The following TENM4 variants were observed in gnomAD, a reference collection of about 807,000 sequenced individuals.
The protein encoded by TENM4 is teneurin-4.
In TENM4, 82 loss-of-function variants were observed where a neutral mutation model predicts 243.3. The observed-to-expected ratio is 0.34, with a 90% CI of 0.28 to 0.40. The LOEUF is 0.40. Among genes scored for constraint, TENM4 ranks in the 10% least tolerant of loss-of-function variants. The pLI is 1.00. For synonymous variants in TENM4, 1,412 were observed against 1,456.3 expected, an observed-to-expected ratio of 0.97 and a Z score of 0.69; for missense variants, 3,138 against 3,673.3, an observed-to-expected ratio of 0.85 and a Z score of 3.77.
chr11:78,662,818 T>G (rs180729632), intron 32 of TENM4, among the ~76,000 whole-genome samples: 1 of 152,210 alleles, frequency 6.6e-6, no homozygotes, highest in African/African-American at 2.4e-5. Context: ...AGGAAAAAGA[T>G]TAGAGGAAGG....
At chr11:78,797,573 A>G (rs1437641553) in intron 15 of TENM4, among the ~76,000 whole-genome samples, 1 of 152,146 alleles carries the variant, frequency 6.6e-6, no homozygotes, top group East Asian at 1.9e-4. Context: ...TGGTTTATCA[A>G]CCTTTAACTC....
At chr11:78,730,153 T>A (rs1448811237) in intron 21 of TENM4, among the ~76,000 whole-genome samples, 1 of 152,084 alleles carries the variant, frequency 6.6e-6, no homozygotes, top group Non-Finnish European at 1.5e-5. Context: ...CTGAGAAAGG[T>A]CACATAGGTA....
chr11:79,259,484 T>C (rs1195438770), intron 2 of TENM4, among the ~76,000 whole-genome samples: 1 of 151,648 alleles, frequency 6.6e-6, no homozygotes, highest in Non-Finnish European at 1.5e-5. Flanking sequence ...CATCTGTCCA[T>C]CCATCCATCT....
chr11:78,825,408 C>T (rs1857828810), intron 12 of TENM4, among the ~76,000 whole-genome samples: 1 of 152,212 alleles, frequency 6.6e-6, no homozygotes, highest in Non-Finnish European at 1.5e-5. Context: ...TCCTTGTCAG[C>T]CATCTGAAAG....
chr11:79,265,958 T>C (rs1476930061), intron 2 of TENM4, among the ~76,000 whole-genome samples: 1 of 152,202 alleles, frequency 6.6e-6, no homozygotes, highest in Non-Finnish European at 1.5e-5. Context: ...CTCAGAACTC[T>C]TATTCATCCT....
intron 23 of TENM4, among the ~76,000 whole-genome samples, chr11:78,724,573 G>C (rs549162741): frequency 2.0e-5 from 3 of 152,292 alleles, no homozygotes; most frequent in African/African-American, 7.2e-5. Flanking sequence ...GATATATGAT[G>C]CTATCTCTGT....
intron 1 of TENM4, among the ~76,000 whole-genome samples, chr11:79,335,976 C>T (rs1339172623): frequency 1.3e-5 from 2 of 151,876 alleles, no homozygotes; most frequent in African/African-American, 4.8e-5. Context: ...GCTCTCTTTG[C>T]TGATTCCCTG....
chr11:79,356,461 C>T (rs1423525458), intron 1 of TENM4, among the ~76,000 whole-genome samples: 6 of 152,332 alleles, frequency 3.9e-5, no homozygotes, highest in African/African-American at 1.4e-4. Context: ...GGCTAGGTTA[C>T]AGCACAGTTT....
chr11:79,329,935 A>C (rs1857035011), intron 1 of TENM4, among the ~76,000 whole-genome samples: 1 of 152,228 alleles, frequency 6.6e-6, no homozygotes, highest in Non-Finnish European at 1.5e-5. Flanking sequence ...GGATCACAGA[A>C]GGGTGAGCGG....
chr11:79,298,195 AC>A (rs1167712613), intron 1 of TENM4, among the ~76,000 whole-genome samples: 2 of 152,080 alleles, frequency 1.3e-5, no homozygotes, highest in African/African-American at 2.4e-5. Context: ...GAAGTGAGCA[AC>A]TTTTGGAGCC....
Position 79,373,253 on chromosome 11 carries a change from G to GATGA in TENM4, c.-321+67252_-321+67255dup, listed in dbSNP as rs771241739. Among the ~76,000 whole-genome samples, 8 of 152,212 alleles carry GATGA rather than the reference G, an allele frequency of 5.3e-5. No individual in the cohort carries two copies. The South Asian group carries it at 1.0e-3, about 20-fold the overall frequency. On this transcript the variant is annotated intron_variant, in intron 1 of 33. Transcript: ENST00000278550. ...GGCTGGCTGGCTGACTGGATAGATGGATGAATGAATAAAGGTGTAGATGGA... is the reference window on the plus strand; with the variant it reads ...GGCTGGCTGGCTGACTGGATAGATGGATGAATGAATGAATAAAGGTGTAGATGGA...
At chr11:78,804,012 G>A (rs1413593888) in intron 15 of TENM4, among the ~76,000 whole-genome samples, 1 of 152,152 alleles carries the variant, frequency 6.6e-6, no homozygotes, top group East Asian at 1.9e-4. Context: ...GTATCCCAAA[G>A]GCATGAATGC....
intron 6 of TENM4, among the ~76,000 whole-genome samples, chr11:78,989,205 C>T (rs916100533): frequency 2.0e-5 from 3 of 152,184 alleles, no homozygotes; most frequent in Non-Finnish European, 2.9e-5. Flanking sequence ...CCTCCTTACA[C>T]GTTATTATTA....
At chr11:79,325,941 T>C (rs778743789) in intron 1 of TENM4, among the ~76,000 whole-genome samples, 9 of 152,136 alleles carry the variant, frequency 5.9e-5, no homozygotes, top group Non-Finnish European at 1.0e-4. Flanking sequence ...AATGTGAAAA[T>C]TAGGAACCAA....
chr11:79,077,399 G>A (rs532932584), intron 4 of TENM4, among the ~76,000 whole-genome samples: 62 of 152,186 alleles, frequency 4.1e-4, no homozygotes, highest in African/African-American at 1.4e-3. Flanking sequence ...AGTAAAAGAC[G>A]GTTTTGAGGT....
At chr11:78,852,638 G>A (rs751636425) in intron 12 of TENM4, among the ~76,000 whole-genome samples, 6 of 152,134 alleles carry the variant, frequency 3.9e-5, no homozygotes, top group Non-Finnish European at 7.4e-5. Flanking sequence ...AGCCGTGATT[G>A]AGTCACTGCA....
intron 6 of TENM4, among the ~76,000 whole-genome samples, chr11:79,016,647 G>A (rs1858782341): frequency 6.6e-6 from 1 of 152,120 alleles, no homozygotes; most frequent in Non-Finnish European, 1.5e-5. Context: ...AAGTCAAGGT[G>A]GAAACTCTTA....
chr11:78,902,937 C>G (rs1485260746), intron 7 of TENM4, among the ~76,000 whole-genome samples: 5 of 152,220 alleles, frequency 3.3e-5, no homozygotes, highest in African/African-American at 4.8e-5. Context: ...CACACATTAG[C>G]TCTCATCTCC....
chr11:78,670,092 A>T lies in TENM4; in HGVS notation c.6253T>A (p.Tyr2085Asn). ...GMVNARFDYNYDNSFRVTSMQ... is the reference protein window; with the variant it reads ...GMVNARFDYNNDNSFRVTSMQ... ...CTGGTCACCCGGAAGCTGTTGTCAT[A>T]GTTGTAGTCAAAACGGGCGTTGACC... Residue 2085 changes from tyrosine to asparagine, a missense_variant, in exon 32 of 34, where the codon TAT (tyrosine) becomes AAT (asparagine). Coordinates refer to ENST00000278550, the MANE Select transcript of TENM4 (RefSeq NM_001098816.3). The T allele has an allele frequency of 1.9e-6, 3 of 1,613,942 alleles. No homozygotes were observed. In the South Asian group the frequency reaches 3.3e-5, roughly 18 times the overall value.
Sources: allele counts gnomAD v4.1 joint callset (sites outside exome capture counted in the v4.1 genomes callset), GRCh38; gene constraint gnomAD v4.1.1; transcripts MANE v1.5; gene names NCBI Gene and HGNC (gene_info 2026-07-23, HGNC 2026-07-21).